The following SLC25A19 variants were observed in gnomAD, a reference collection of about 807,000 sequenced individuals.
The protein encoded by SLC25A19 is mitochondrial thiamine pyrophosphate carrier.
In SLC25A19, 18 loss-of-function variants were observed where a neutral mutation model predicts 27.9. The observed-to-expected ratio is 0.64, with a 90% confidence interval of 0.45 to 0.96. SLC25A19 has a LOEUF of 0.96. Among genes scored for constraint, SLC25A19 ranks in the 40% least tolerant of loss-of-function variants. The pLI is 0.00. For synonymous variants in SLC25A19, 169 were observed against 167.1 expected (o/e 1.01, Z -0.09); for missense variants, 371 against 418.3 (o/e 0.89, Z 0.99).
rs2078200642 is a variant in SLC25A19, at chr17:75,287,003, C to G, written c.-38-201G>C. On this transcript the variant is annotated intron_variant, in intron 2 of 7. Transcript: ENST00000416858. ...ATTGCTTGAGCTCAGGAGTTCAAGA[C>G]CAGCCTGGGCAACACTGCAAAACCC... 6 of 504,174 alleles carry G rather than the reference C, an allele frequency of 1.2e-5. No individual in the cohort carries two copies. In the East Asian group the frequency reaches 1.9e-4, roughly 16 times the overall value. The allele number at this position is 504,174 out of a possible 1,614,324, so 31.2% of individuals were successfully genotyped here.
chr17:75,277,313 G>A, intron 7 of SLC25A19, 40 bp downstream of exon 7: 1 of 1,606,234 alleles, frequency 6.2e-7, no homozygotes. Flanking sequence ...CCCAGTGATG[G>A]CAAGGGTCAG....
chr17:75,278,359 A>G (rs1373209768), intron 5 of SLC25A19, 24 bp from the exon 6 acceptor site: 1 of 1,613,788 alleles, frequency 6.2e-7, no homozygotes, highest in Non-Finnish European at 8.5e-7. Flanking sequence ...CGCACTTTGA[A>G]TGAGCTCAGT....
chr17:75,286,503 G>C (rs748237706), intron 3 of SLC25A19, 44 bp from the exon 4 acceptor site: 2 of 1,613,316 alleles, frequency 1.2e-6, no homozygotes, highest in Non-Finnish European at 1.7e-6. Flanking sequence ...GGGTGGGCTG[G>C]AATGTGAAGG....
chr17:75,284,557 C>T (rs114873914), intron 4 of SLC25A19, among the ~76,000 whole-genome samples: 2,280 of 151,686 alleles, frequency 0.015, 58 homozygotes, highest in African/African-American at 0.052. Flanking sequence ...CGGCACTGTT[C>T]GAGAATCATT....
At chr17:75,279,616 G>C (rs931477705) in intron 5 of SLC25A19, among the ~76,000 whole-genome samples, 5 of 147,112 alleles carry the variant, frequency 3.4e-5, no homozygotes, top group African/African-American at 1.0e-4. Context: ...TCAAGCGATT[G>C]TCCTGCCTCA....
In SLC25A19 at chr17:75,278,216, G is replaced by A; in HGVS notation, c.579C>T (p.Phe193=). ...IAIFPYAGLQ[F]SCYSSLKHLY... ...GGTGCTTCAAGGAGCTGTAGCAAGA[G>A]AACTGCAGCCCGGCGTAGGGGAAGA... The change falls in exon 6 of 8, where the codon TTC becomes TTT. Residue 193 remains phenylalanine, a synonymous_variant. Coordinates refer to ENST00000416858, the MANE Select transcript of SLC25A19 (RefSeq NM_001126121.2). The A allele has an allele frequency of 6.2e-7, 1 of 1,614,090 alleles. No individual in the cohort carries two copies. The highest frequency in any genetic ancestry group is 8.5e-7 in the Non-Finnish European group (1 of 1,180,036).
At chr17:75,283,374 CA>C in intron 5 of SLC25A19, 48 bp downstream of exon 5, 5 of 1,588,970 alleles carry the variant, frequency 3.1e-6, no homozygotes, top group Non-Finnish European at 4.3e-6. Context: ...ACCCCTGTGA[CA>C]ACACCTTCCT....
At chr17:75,280,673 C>T (rs1018123385) in intron 5 of SLC25A19, among the ~76,000 whole-genome samples, 2 of 150,932 alleles carry the variant, frequency 1.3e-5, no homozygotes, top group Admixed American at 6.6e-5. Context: ...ATTAGCCAGG[C>T]GCGGTGGTGG....
chr17:75,277,583 AC>A, intron 6 of SLC25A19, 100 bp from the exon 7 acceptor site: 1 of 1,391,838 alleles, frequency 7.2e-7, no homozygotes, highest in Non-Finnish European at 1.0e-6. Context: ...CACAAACCAA[AC>A]CCCACAAGCG....
chr17:75,286,138 C>T (rs1027225823), intron 4 of SLC25A19, among the ~76,000 whole-genome samples, 166 bp downstream of exon 4: 5 of 152,232 alleles, frequency 3.3e-5, no homozygotes, highest in African/African-American at 1.2e-4. Flanking sequence ...AGGGCAATGC[C>T]TACGGTACTG....
Position 75,273,564 on chromosome 17 carries a change from C to T in SLC25A19, c.850G>A (p.Gly284Ser). 6.2e-7 allele frequency: 1 copy of T among 1,614,042 alleles called. No homozygotes were observed. Among genetic ancestry groups the T allele is most frequent in the Non-Finnish European group, 8.5e-7 (1 of 1,179,976 alleles). ...QKEGALGFFK[G>S]LSPSLLKAAL... ...GCCTTCAGCAAGCTGGGGGACAGGC[C>T]CTTGAAGAAGCCCAGGGCGCCTTCC... Residue 284 changes from glycine to serine, a missense_variant, in exon 8 of 8, where the codon GGC becomes AGC. Gly to Ser is a moderately conservative substitution (Grantham distance 56). Coordinates refer to ENST00000416858, the MANE Select transcript of SLC25A19 (RefSeq NM_001126121.2).
chr17:75,284,633 C>CTTT (rs1555604197), intron 4 of SLC25A19, among the ~76,000 whole-genome samples: 1 of 112,288 alleles, frequency 8.9e-6, no homozygotes, highest in Non-Finnish European at 1.8e-5. Context: ...TCAGATCTTT[C>CTTT]TTTTTTTTTT....
rs1276744747 is a variant in SLC25A19 at position 75,277,455 on chromosome 17, A to C, written c.672T>G (p.Ser224Arg). 1 of 1,614,044 alleles carries C rather than the reference A, an allele frequency of 6.2e-7. No individual in the cohort carries two copies. Among genetic ancestry groups the C allele is most frequent in the Non-Finnish European group, 8.5e-7 (1 of 1,179,974 alleles). ...GGGTCTTGCTGATGACACCAGCTCC[A>C]CTGCCACAAAGCAGGTTTTGGAGGT... The part of the protein sequence containing the change: ...NENLQNLLCG[S>R]GAGVISKTLT... Residue 224 changes from serine (S) to arginine (R), a missense_variant, in exon 7 of 8, where the codon AGT becomes AGG. By Grantham distance (110) the Ser-to-Arg change is moderately radical. Transcript: ENST00000416858.
At chr17:75,287,046 C>T (rs1290347012) in intron 2 of SLC25A19, 2 of 392,210 alleles carry the variant, frequency 5.1e-6, no homozygotes, top group African/African-American at 4.1e-5. Context: ...ACAAAAAATA[C>T]AAAAATTTAA....
chr17:75,280,380 G>T (rs1300445199), intron 5 of SLC25A19, among the ~76,000 whole-genome samples: 3 of 151,074 alleles, frequency 2.0e-5, no homozygotes, highest in Admixed American at 6.6e-5. Context: ...TAAAAATAAA[G>T]AAAAAAAGCC....
rs143882539 is a variant in SLC25A19, at chr17:75,276,492, C to T, written c.774+861G>A. ...AAGCGATTCTCCTGTTTCAGCCTCC[C>T]GAGTAGCTGGGACTACAGGCGCCCA... is the stretch of plus-strand genomic sequence containing the variant. On this transcript the variant is annotated intron_variant, in intron 7 of 7. Transcript: ENST00000416858. 4.6e-5 allele frequency among the ~76,000 whole-genome samples: 7 copies of T among 151,872 alleles called. 1 individual carries two copies. Among genetic ancestry groups the T allele is most frequent in the East Asian group, 1.9e-4 (1 of 5,138 alleles).
At position 75,273,208 on chromosome 17, in the gene SLC25A19, C is replaced by T; in HGVS notation, c.*243G>A. On this transcript the variant is annotated 3_prime_UTR_variant, in exon 8 of 8. Transcript: ENST00000416858. ...GGGCTGGTCAGAGGAGAAACAGCAA[C>T]TTCCTGCTCCTTCTCACTGTGTCGT... The T allele has an allele frequency of 1.8e-6, 1 of 541,922 alleles. No individual in the cohort carries two copies. The highest frequency in any genetic ancestry group is 2.0e-5 in the South Asian group (1 of 49,742). 33.6% of individuals were successfully genotyped at this position (541,922 alleles called of 1,614,324 possible).
intron 7 of SLC25A19, among the ~76,000 whole-genome samples, chr17:75,274,829 G>A (rs2077827257): frequency 6.6e-6 from 1 of 152,114 alleles, no homozygotes; most frequent in African/African-American, 2.4e-5. Context: ...AAGTTGGTAA[G>A]TGGAAAAGGG....
intron 4 of SLC25A19, 148 bp downstream of exon 4, chr17:75,286,156 G>A: frequency 1.0e-6 from 1 of 960,268 alleles, no homozygotes; most frequent in Non-Finnish European, 1.7e-6. Flanking sequence ...CTGCTGGTCA[G>A]GAAGGCTCCC....
Sources: gnomAD v4.1 joint callset for allele counts (sites outside exome capture counted in the v4.1 genomes callset) on GRCh38, gnomAD v4.1.1 for gene constraint, MANE v1.5 for transcripts, NCBI Gene and HGNC (gene_info 2026-07-23, HGNC 2026-07-21) for gene names.